Variants in GUCY1A1 observed in about 807,000 individuals in gnomAD.
The protein encoded by GUCY1A1 is guanylate cyclase soluble subunit alpha-1.
Under a neutral mutation model 64.5 loss-of-function variants are expected in GUCY1A1, and 48 were observed. The observed-to-expected ratio is 0.74, with a 90% CI of 0.59 to 0.95. The LOEUF (loss-of-function observed/expected upper bound fraction) is 0.95, where lower values mean the gene tolerates loss of function less well. GUCY1A1 is among the 40% of genes least tolerant of loss of function. The pLI is 0.00. For synonymous variants in GUCY1A1, 308 were observed against 303.4 expected, an observed-to-expected ratio of 1.02 and a Z score of -0.16; for missense variants, 804 against 825.3, an observed-to-expected ratio of 0.97 and a Z score of 0.32.
At chr4:155,700,239 T>C (rs950529935) in intron 3 of GUCY1A1, among the ~76,000 whole-genome samples, 6 of 152,152 alleles carry the variant, frequency 3.9e-5, no homozygotes, top group Admixed American at 3.9e-4. Context: ...TTGAATTGGA[T>C]ATGCTTACAT....
chr4:155,696,932 C>T lies in GUCY1A1; in HGVS notation c.65C>T (p.Pro22Leu), dbSNP rs1260955492. 1.2e-6 allele frequency: 2 copies of T among 1,612,854 alleles called. No homozygotes were observed. Among genetic ancestry groups the T allele is most frequent in the Admixed American group, 3.3e-5 (2 of 59,962 alleles). Reference protein sequence around the residue: ...TGECPFSLLAPGQVPNESSEE... With the variant: ...TGECPFSLLALGQVPNESSEE... The stretch of plus-strand genomic sequence containing the variant: ...GAGTGTCCTTTCTCCTTACTGGCAC[C>T]AGGTCAAGTTCCTAACGAGTCTTCA... The change falls in exon 3 of 10, where the codon CCA becomes CTA. Residue 22 changes from proline to leucine, a missense_variant. By Grantham distance (98) the Pro-to-Leu change is moderately conservative. Coordinates refer to ENST00000506455, the MANE Select transcript of GUCY1A1 (RefSeq NM_001130682.3).
chr4:155,711,620 A>T (rs916416607), intron 6 of GUCY1A1, among the ~76,000 whole-genome samples: 2 of 152,238 alleles, frequency 1.3e-5, no homozygotes, highest in Non-Finnish European at 2.9e-5. Context: ...TTCTTGTAGG[A>T]GGCAACTAAA....
At position 155,735,167 on chromosome 4, in the gene GUCY1A1, A is replaced by G. The variant is rs563880532; in HGVS notation, c.*4936A>G. On this transcript the variant is annotated 3_prime_UTR_variant, in exon 10 of 10. Coordinates refer to ENST00000506455, the MANE Select transcript of GUCY1A1 (RefSeq NM_001130682.3). Reference sequence around the variant, plus strand: ...CTTTGCTTATTACAGCCACACCTGCATCTGTTTTGACTAGCCCACATAACC... The same window carrying G: ...CTTTGCTTATTACAGCCACACCTGCGTCTGTTTTGACTAGCCCACATAACC... The G allele has an allele frequency of 6.6e-6, 1 of 152,056 alleles. No homozygotes were observed. The highest frequency in any genetic ancestry group is 2.1e-4 in the South Asian group (1 of 4,822). The allele number at this position is 152,056 out of a possible 1,614,324, so 9.4% of individuals were successfully genotyped here.
chr4:155,693,388 T>C (rs1313171627), intron 2 of GUCY1A1, among the ~76,000 whole-genome samples: 2 of 152,196 alleles, frequency 1.3e-5, no homozygotes, highest in Admixed American at 1.3e-4. Flanking sequence ...GTTACTACCA[T>C]CTCTACAACC....
chr4:155,697,092 A>G lies in GUCY1A1; in HGVS notation c.225A>G (p.Ala75=), dbSNP rs1730516861. The G allele has an allele frequency of 2.5e-6, 4 of 1,613,442 alleles. No homozygotes were observed. The highest frequency in any genetic ancestry group is 2.2e-5 in the South Asian group (2 of 91,076). ...SRSRVYLHTL[A]ESICKLIFPE... is the part of the protein sequence containing the mutation. ...GCCGAGTCTATCTTCACACTTTGGC[A>G]GAGAGTATTTGCAAACTGATTTTCC... Residue 75 remains alanine (A), a synonymous_variant, in exon 3 of 10, where the codon GCA becomes GCG. Transcript: ENST00000506455.
At chr4:155,707,323 CT>C (rs1731909465) in intron 4 of GUCY1A1, among the ~76,000 whole-genome samples, 1 of 152,228 alleles carries the variant, frequency 6.6e-6, no homozygotes, top group Non-Finnish European at 1.5e-5. Flanking sequence ...ATTTAACACG[CT>C]TAACCTACTG....
intron 7 of GUCY1A1, among the ~76,000 whole-genome samples, chr4:155,714,373 A>G (rs1732964141): frequency 6.6e-6 from 1 of 152,226 alleles, no homozygotes; most frequent in South Asian, 2.1e-4. Flanking sequence ...CATCAGTCAT[A>G]CAGGATGAGC....
At chr4:155,723,451 C>G (rs1734234671) in intron 9 of GUCY1A1, among the ~76,000 whole-genome samples, 1 of 151,936 alleles carries the variant, frequency 6.6e-6, no homozygotes, top group Non-Finnish European at 1.5e-5. Context: ...GAAAATAAAC[C>G]AATCCGTGGT....
intron 2 of GUCY1A1, among the ~76,000 whole-genome samples, chr4:155,676,068 G>A (rs1454867078): frequency 6.6e-6 from 1 of 151,410 alleles, no homozygotes; most frequent in Non-Finnish European, 1.5e-5. Context: ...ACAATGAAGA[G>A]GTTGCCCAAT....
intron 6 of GUCY1A1, 133 bp downstream of exon 6, chr4:155,711,384 T>C (rs1732556134): frequency 1.8e-6 from 1 of 542,536 alleles, no homozygotes; most frequent in Non-Finnish European, 3.2e-6. Context: ...AAAAGAATTG[T>C]AAAGCTGTAA....
At chr4:155,693,335 C>T (rs1261478130) in intron 2 of GUCY1A1, among the ~76,000 whole-genome samples, 3 of 152,140 alleles carry the variant, frequency 2.0e-5, no homozygotes, top group African/African-American at 7.2e-5. Flanking sequence ...CAAGGCCTGT[C>T]GCCAAATTTA....
At chr4:155,718,251 A>G (rs535810652) in intron 8 of GUCY1A1, among the ~76,000 whole-genome samples, 5 of 152,320 alleles carry the variant, frequency 3.3e-5, no homozygotes, top group African/African-American at 1.2e-4. Context: ...GCTATAAAAC[A>G]TATAGAGAAG....
Position 155,722,210 on chromosome 4 carries a change from C to G in GUCY1A1, c.1871+18C>G. On this transcript the variant is annotated intron_variant, in intron 9 of 9. Coordinates refer to ENST00000506455, the MANE Select transcript of GUCY1A1 (RefSeq NM_001130682.3). Reference sequence around the variant, plus strand: ...ACTTACAGGTAGTAATTATGTTAAACACCTAAAATCTCTTGTTTTTATTTA... The same window carrying G: ...ACTTACAGGTAGTAATTATGTTAAAGACCTAAAATCTCTTGTTTTTATTTA... 2 of 1,602,336 alleles carry G rather than the reference C, an allele frequency of 1.2e-6. No individual in the cohort carries two copies. The highest frequency in any genetic ancestry group is 1.7e-6 in the Non-Finnish European group (2 of 1,173,820).
rs1732771653 is a variant in GUCY1A1 at position 155,712,988 on chromosome 4, A to G, written c.1087-110A>G. ...ATAAGAAAGCAAATTGTTCCTTTTC[A>G]GCAGGTTTAAACACAAAGGGTTTAT... On this transcript the variant is annotated intron_variant, in intron 6 of 9. Coordinates refer to ENST00000506455, the MANE Select transcript of GUCY1A1 (RefSeq NM_001130682.3). 6 of 875,132 alleles carry G rather than the reference A, an allele frequency of 6.9e-6. No homozygotes were observed. In the Admixed American group the frequency reaches 1.5e-4, roughly 21 times the overall value. The allele number at this position is 875,132 out of a possible 1,614,324, so 54.2% of individuals were successfully genotyped here. A position where few individuals can be genotyped will look rare whatever the true frequency, so the allele number is the denominator to read the frequency against.
Position 155,735,622 on chromosome 4 carries a change from A to C in GUCY1A1, c.*5391A>C, listed in dbSNP as rs926255717. On this transcript the variant is annotated 3_prime_UTR_variant, in exon 10 of 10. Transcript: ENST00000506455. ...GAGGAAAATTACTTGGCTGAAAATG[A>C]CTTTGCATAATGCCCAAATCTTGAA... The C allele has an allele frequency of 6.6e-6, 1 of 151,998 alleles. No homozygotes were observed. Among genetic ancestry groups the C allele is most frequent in the Non-Finnish European group, 1.5e-5 (1 of 67,950 alleles). 9.4% of individuals were successfully genotyped at this position (151,998 alleles called of 1,614,324 possible). A position where few individuals can be genotyped will look rare whatever the true frequency, so the allele number is the denominator to read the frequency against.
At chr4:155,726,181 T>A (rs922251152) in intron 9 of GUCY1A1, among the ~76,000 whole-genome samples, 5 of 152,048 alleles carry the variant, frequency 3.3e-5, no homozygotes, top group Non-Finnish European at 7.4e-5. Context: ...GTTTACTTTC[T>A]TTTTATTCTC....
chr4:155,697,534 A>C (rs1325769469), intron 3 of GUCY1A1, among the ~76,000 whole-genome samples: 1 of 152,228 alleles, frequency 6.6e-6, no homozygotes, highest in African/African-American at 2.4e-5. Context: ...CTTAAAATTA[A>C]ATTCTTCAAA....
At chr4:155,686,228 C>T (rs1201943276) in intron 2 of GUCY1A1, among the ~76,000 whole-genome samples, 2 of 152,174 alleles carry the variant, frequency 1.3e-5, no homozygotes, top group African/African-American at 4.8e-5. Context: ...GTAATCCCAA[C>T]ACTTTGGGAG....
intron 2 of GUCY1A1, among the ~76,000 whole-genome samples, chr4:155,679,786 T>C (rs1166103581): frequency 6.6e-6 from 1 of 152,216 alleles, no homozygotes; most frequent in African/African-American, 2.4e-5. Flanking sequence ...TTTATTTCTA[T>C]TTCTATATGG....
Sources: gnomAD v4.1 joint callset for allele counts (sites outside exome capture counted in the v4.1 genomes callset) on GRCh38, gnomAD v4.1.1 for gene constraint, MANE v1.5 for transcripts, NCBI Gene and HGNC (gene_info 2026-07-23, HGNC 2026-07-21) for gene names.